The following ZNF654 variants were observed in gnomAD, a reference collection of about 807,000 sequenced individuals.
ZNF654 encodes zinc finger protein 654.
Under a neutral mutation model 95.3 loss-of-function variants are expected in ZNF654, and 19 were observed. That is an observed-to-expected ratio of 0.20 (90% CI 0.14 to 0.29). ZNF654 has a LOEUF of 0.29. ZNF654 is among the 10% of genes least tolerant of loss of function. ZNF654 has a pLI of 1.00. For synonymous variants in ZNF654, 413 were observed against 457.9 expected (o/e 0.90, Z 1.25); for missense variants, 1,046 against 1,341.0 (o/e 0.78, Z 3.44).
intron 1 of ZNF654, among the ~76,000 whole-genome samples, chr3:88,065,163 C>T (rs1707122728): frequency 6.6e-6 from 1 of 152,038 alleles, no homozygotes. Flanking sequence ...TATTTCAAGT[C>T]TTCATAAAAG....
At chr3:88,069,084 A>ATTT (rs1707358843) in intron 1 of ZNF654, among the ~76,000 whole-genome samples, 1 of 152,204 alleles carries the variant, frequency 6.6e-6, no homozygotes, top group Non-Finnish European at 1.5e-5. Context: ...AATGTGAAAC[A>ATTT]GAAGAAAAAA....
chr3:88,119,094 A>G (rs1705595245), intron 3 of ZNF654, among the ~76,000 whole-genome samples: 3 of 149,902 alleles, frequency 2.0e-5, no homozygotes. Context: ...ACGTATGTTT[A>G]CTGCGGCATT....
intron 3 of ZNF654, among the ~76,000 whole-genome samples, chr3:88,124,635 A>C (rs1208383733): frequency 6.6e-6 from 1 of 152,208 alleles, no homozygotes; most frequent in African/African-American, 2.4e-5. Flanking sequence ...CTAATAAGTA[A>C]CATTTCTGAA....
At chr3:88,102,096 G>A (rs1174021621) in intron 2 of ZNF654, among the ~76,000 whole-genome samples, 1 of 151,982 alleles carries the variant, frequency 6.6e-6, no homozygotes, top group Non-Finnish European at 1.5e-5. Flanking sequence ...GCTATATCTT[G>A]TCTTTTCATT....
Position 88,141,790 on chromosome 3 carries a change from C to G in ZNF654, c.*138C>G. 1 of 588,910 alleles carries G rather than the reference C, an allele frequency of 1.7e-6. No individual in the cohort carries two copies. The highest frequency in any genetic ancestry group is 5.5e-5 in the South Asian group (1 of 18,184). The allele number at this position is 588,910 out of a possible 1,614,324, so 36.5% of individuals were successfully genotyped here. On this transcript the variant is annotated 3_prime_UTR_variant, in exon 9 of 9. Coordinates refer to ENST00000636215, the MANE Select transcript of ZNF654 (RefSeq NM_001350134.2). ...TGGATTACTAAAGATAAAGACAAAG[C>G]ACATTTTCTAGAATGAACTCACAGA...
chr3:88,135,451 A>T, intron 7 of ZNF654: 1 of 269,882 alleles, frequency 3.7e-6, no homozygotes, highest in East Asian at 6.4e-5. Context: ...TTATAATTAA[A>T]TATTTGTTAC....
intron 1 of ZNF654, among the ~76,000 whole-genome samples, chr3:88,075,027 T>C (rs2107626366): frequency 6.6e-6 from 1 of 152,352 alleles, no homozygotes; most frequent in East Asian, 1.9e-4. Context: ...CTGAAAGTAG[T>C]ATCCTAATTT....
intron 2 of ZNF654, among the ~76,000 whole-genome samples, chr3:88,099,805 C>A (rs1004260076): frequency 6.6e-6 from 1 of 152,150 alleles, no homozygotes; most frequent in Non-Finnish European, 1.5e-5. Context: ...CTTCCTTACA[C>A]CTTATACAAA....
chr3:88,139,277 C>T lies in ZNF654; in HGVS notation c.1608C>T (p.Ser536=). 1.3e-6 allele frequency: 2 copies of T among 1,556,424 alleles called. No homozygotes were observed. Among genetic ancestry groups the T allele is most frequent in the Non-Finnish European group, 1.7e-6 (2 of 1,157,598 alleles). The change falls in exon 8 of 9, where the codon TCC becomes TCT. Residue 536 remains serine, a synonymous_variant. Coordinates refer to ENST00000636215, the MANE Select transcript of ZNF654 (RefSeq NM_001350134.2). Reference sequence around the variant, plus strand: ...AAAATCTTACAGCTCTCAGTACTTCCAAAGTAGATCACAATGTCCCAAGGC... The same window carrying T: ...AAAATCTTACAGCTCTCAGTACTTCTAAAGTAGATCACAATGTCCCAAGGC... ...TKKNLTALST[S]KVDHNVPRHR...
At chr3:88,109,386 T>C (rs118033995) in intron 2 of ZNF654, among the ~76,000 whole-genome samples, 2 of 152,038 alleles carry the variant, frequency 1.3e-5, no homozygotes, top group Non-Finnish European at 2.9e-5. Context: ...AAAAGTTGAG[T>C]GTTTTAAATA....
rs67079285 is a variant in ZNF654 at position 88,070,563 on chromosome 3, GTTT to G, written c.186+11082_186+11084del. On this transcript the variant is annotated intron_variant, in intron 1 of 8. Transcript: ENST00000636215. ...CACTGTGGCAAAGGCAACACTGCCT[GTTT>G]TTTTTTTTTTTTTTTTTTTTTTTGC... 5.4e-3 allele frequency among the ~76,000 whole-genome samples: 597 copies of G among 111,202 alleles called. 4 individuals are homozygous for G. Among genetic ancestry groups the G allele is most frequent in the African/African-American group, 0.023 (563 of 24,042 alleles). The allele number at this position is 111,202 out of a possible 152,430, so 73.0% of individuals were successfully genotyped here.
chr3:88,098,893 A>G (rs534033637), intron 2 of ZNF654, among the ~76,000 whole-genome samples: 2 of 152,310 alleles, frequency 1.3e-5, no homozygotes, highest in East Asian at 1.9e-4. Flanking sequence ...TGAATGGGCA[A>G]AAACTGGAAG....
rs540470984 is a variant in ZNF654 at position 88,105,416 on chromosome 3, T to A, written c.333-7699T>A. 1.8e-4 allele frequency among the ~76,000 whole-genome samples: 27 copies of A among 152,346 alleles called. No individual in the cohort carries two copies. The East Asian group carries it at 5.2e-3, about 29-fold the overall frequency. ...TGTTGTGTTGATGTAGCATAGTCAG[T>A]CAATTTGTCCTCTACTGGTATGCAT... On this transcript the variant is annotated intron_variant, in intron 2 of 8. Coordinates refer to ENST00000636215, the MANE Select transcript of ZNF654 (RefSeq NM_001350134.2).
In ZNF654 at chr3:88,141,922, G is replaced by C. The variant is rs952742192; in HGVS notation, c.*270G>C. ...ATGATTAATAGCAGCAGCATGTTCAGTTTCGCTTATATGAGAAACATGTTT... is the reference window on the plus strand; with the variant it reads ...ATGATTAATAGCAGCAGCATGTTCACTTTCGCTTATATGAGAAACATGTTT... On this transcript the variant is annotated 3_prime_UTR_variant, in exon 9 of 9. Coordinates refer to ENST00000636215, the MANE Select transcript of ZNF654 (RefSeq NM_001350134.2). 29 of 309,660 alleles carry C rather than the reference G, an allele frequency of 9.4e-5. No homozygotes were observed. Among genetic ancestry groups the C allele is most frequent in the African/African-American group, 6.2e-4 (29 of 46,602 alleles). 19.2% of individuals were successfully genotyped at this position (309,660 alleles called of 1,614,324 possible). A position where few individuals can be genotyped will look rare whatever the true frequency, so the allele number is the denominator to read the frequency against.
chr3:88,108,098 T>C (rs181080664), intron 2 of ZNF654, among the ~76,000 whole-genome samples: 1 of 152,176 alleles, frequency 6.6e-6, no homozygotes, highest in South Asian at 2.1e-4. Flanking sequence ...CTGGAGATAT[T>C]ACTAGCTTGG....
intron 1 of ZNF654, among the ~76,000 whole-genome samples, chr3:88,083,227 T>A (rs1245799243): frequency 2.0e-5 from 3 of 152,194 alleles, no homozygotes; most frequent in Non-Finnish European, 4.4e-5. Context: ...AAGACAAAAT[T>A]CAGTCCTTAA....
intron 1 of ZNF654, among the ~76,000 whole-genome samples, chr3:88,078,020 GTA>G (rs961895239): frequency 3.9e-5 from 6 of 152,040 alleles, no homozygotes; most frequent in Non-Finnish European, 8.8e-5. Flanking sequence ...AAATTTCTTT[GTA>G]TTTAATATAA....
intron 3 of ZNF654, among the ~76,000 whole-genome samples, chr3:88,116,332 C>A (rs898046793): frequency 1.3e-5 from 2 of 152,008 alleles, no homozygotes; most frequent in Non-Finnish European, 2.9e-5. Context: ...ACCAGCCTGA[C>A]CAACATGGAG....
At chr3:88,134,769 A>T (rs1706672371) in intron 6 of ZNF654, among the ~76,000 whole-genome samples, 1 of 152,104 alleles carries the variant, frequency 6.6e-6, no homozygotes, top group African/African-American at 2.4e-5. Flanking sequence ...CAGTATTGGC[A>T]CATTAGGATT....
Sources: gnomAD v4.1 joint callset for allele counts (sites outside exome capture counted in the v4.1 genomes callset) on GRCh38, gnomAD v4.1.1 for gene constraint, MANE v1.5 for transcripts, NCBI Gene and HGNC (gene_info 2026-07-23, HGNC 2026-07-21) for gene names.